CRHR1: variants seen among roughly 807,000 people sequenced by gnomAD.
The protein encoded by CRHR1 is corticotropin releasing hormone receptor 1.
A neutral mutation model predicts 56.0 loss-of-function variants in CRHR1; 28 were observed. The observed-to-expected ratio is 0.50, with a 90% CI of 0.37 to 0.69. The LOEUF (loss-of-function observed/expected upper bound fraction) is 0.69. Among genes scored for constraint, CRHR1 ranks in the 30% least tolerant of loss-of-function variants. The pLI is 0.00. For missense variants in CRHR1, 376 were observed against 548.0 expected (o/e 0.69, Z 3.13); for synonymous variants, 195 against 216.5 (o/e 0.90, Z 0.87).
intron 8 of CRHR1, among the ~76,000 whole-genome samples, chr17:45,832,602 T>C (rs972506074): frequency 6.6e-6 from 1 of 152,206 alleles, no homozygotes; most frequent in Non-Finnish European, 1.5e-5. Context: ...TCCCTGGAGC[T>C]TGCTGGAGGG....
intron 4 of CRHR1, among the ~76,000 whole-genome samples, chr17:45,828,601 C>CTGCT (rs2062219751): frequency 6.6e-6 from 1 of 152,212 alleles, no homozygotes; most frequent in Non-Finnish European, 1.5e-5. Context: ...CTGCACAGAT[C>CTGCT]CCCTTGGGCC....
At chr17:45,820,193 G>A (rs1208701756) in intron 3 of CRHR1, among the ~76,000 whole-genome samples, 6 of 152,222 alleles carry the variant, frequency 3.9e-5, no homozygotes, top group Non-Finnish European at 7.3e-5. Context: ...GGCTCCAGGT[G>A]AGATACTCAG....
intron 2 of CRHR1, 88 bp downstream of exon 2, chr17:45,807,185 T>G: frequency 8.2e-7 from 1 of 1,222,370 alleles, no homozygotes; most frequent in Admixed American, 1.9e-5. Flanking sequence ...CACAGAACCA[T>G]GCCCTAAGGC....
intron 3 of CRHR1, among the ~76,000 whole-genome samples, chr17:45,818,051 G>C (rs528126545): frequency 6.6e-6 from 1 of 152,298 alleles, no homozygotes; most frequent in South Asian, 2.1e-4. Flanking sequence ...CTAGGAAGGA[G>C]GCAGCATCTG....
At chr17:45,801,364 A>G (rs1422065369) in intron 1 of CRHR1, among the ~76,000 whole-genome samples, 7 of 152,230 alleles carry the variant, frequency 4.6e-5, no homozygotes, top group Admixed American at 4.6e-4. Flanking sequence ...GACATTGGGT[A>G]CATCAACTAC....
intron 1 of CRHR1, among the ~76,000 whole-genome samples, chr17:45,795,568 TC>T (rs1381067985): frequency 1.3e-5 from 2 of 152,084 alleles, no homozygotes; most frequent in Non-Finnish European, 1.5e-5. Context: ...TCACCAAACG[TC>T]CCCCGGGAGG....
chr17:45,813,485 C>T (rs901903117), intron 2 of CRHR1, among the ~76,000 whole-genome samples: 7 of 152,226 alleles, frequency 4.6e-5, no homozygotes, highest in African/African-American at 1.7e-4. Flanking sequence ...TTTCTGGGCT[C>T]TTAATGTAAA....
chr17:45,815,102 G>C (rs1352821387), intron 2 of CRHR1, among the ~76,000 whole-genome samples: 2 of 152,268 alleles, frequency 1.3e-5, no homozygotes, highest in African/African-American at 2.4e-5. Flanking sequence ...GCCCCAGCCA[G>C]GGCTTGGCAG....
intron 4 of CRHR1, 124 bp downstream of exon 4, chr17:45,821,564 C>T (rs1267490646): frequency 2.2e-6 from 2 of 923,676 alleles, no homozygotes; most frequent in Non-Finnish European, 3.4e-6. Flanking sequence ...TCTAGTGAAG[C>T]TGACTGGGGA....
chr17:45,801,631 G>A (rs61073559), intron 1 of CRHR1, among the ~76,000 whole-genome samples: 43 of 152,110 alleles, frequency 2.8e-4, no homozygotes, highest in African/African-American at 1.0e-3. Flanking sequence ...AGTGAACCTC[G>A]TGCTCTGCCA....
chr17:45,795,336 G>C (rs2061498758), intron 1 of CRHR1, among the ~76,000 whole-genome samples: 1 of 152,186 alleles, frequency 6.6e-6, no homozygotes. Context: ...CCCATAATGG[G>C]CAGGCAGGCA....
intron 5 of CRHR1, chr17:45,829,655 G>A: frequency 6.4e-7 from 1 of 1,550,564 alleles, no homozygotes; most frequent in Non-Finnish European, 8.7e-7. Context: ...AAGGTACCTG[G>A]GCCCCAGCAC....
At chr17:45,822,401 G>A (rs968750924) in intron 4 of CRHR1, among the ~76,000 whole-genome samples, 1 of 152,148 alleles carries the variant, frequency 6.6e-6, no homozygotes, top group Non-Finnish European at 1.5e-5. Flanking sequence ...TTTCCCACCC[G>A]ACGCTTTCTC....
chr17:45,816,406 TGCCTG>T (rs66475418), intron 2 of CRHR1, 52 bp from the exon 3 acceptor site: 305,829 of 1,606,000 alleles, frequency 0.19, 32,750 homozygotes, highest in Non-Finnish European at 0.22. Flanking sequence ...GTCCTCTGCC[TGCCTG>T]GGGCCTTGGC....
chr17:45,830,697 A>G, intron 7 of CRHR1, 127 bp downstream of exon 7: 1 of 1,292,210 alleles, frequency 7.7e-7, no homozygotes, highest in East Asian at 2.4e-5. Context: ...TAAGGTGTGC[A>G]CGATAGCCCT....
chr17:45,822,866 C>T (rs1460549508), intron 4 of CRHR1, among the ~76,000 whole-genome samples: 2 of 148,618 alleles, frequency 1.3e-5, no homozygotes, highest in Admixed American at 1.4e-4. Context: ...AAAAGTGGGG[C>T]CAAGTGCGGT....
intron 10 of CRHR1, 84 bp downstream of exon 10, chr17:45,833,621 C>G: frequency 6.3e-7 from 1 of 1,593,160 alleles, no homozygotes; most frequent in Non-Finnish European, 8.6e-7. Context: ...ACCTGCCACT[C>G]CCTCCCCCGA....
In CRHR1 at chr17:45,784,515, A is replaced by G. The variant is rs1290630342; in HGVS notation, c.-30A>G. The G allele has an allele frequency of 6.5e-7, 1 of 1,538,144 alleles. No homozygotes were observed. ...TCTGGGATGTCCGTAGGACCCGGGC[A>G]TTCAGGACGGTAGCCGAGCGAGCCC... On this transcript the variant is annotated 5_prime_UTR_variant, in exon 1 of 13. Transcript: ENST00000314537. The surrounding 1 kb of genome is among the most constrained non-coding windows in gnomAD (Gnocchi z 4.2).
intron 4 of CRHR1, among the ~76,000 whole-genome samples, chr17:45,821,831 A>G (rs1161737222): frequency 6.6e-6 from 1 of 152,246 alleles, no homozygotes. Flanking sequence ...TTCCAGCCAC[A>G]GGGCTGTATG....
Sources: gnomAD v4.1 joint callset for allele counts (sites outside exome capture counted in the v4.1 genomes callset) on GRCh38, gnomAD v4.1.1 for gene constraint, Gnocchi (gnomAD v3.1) non-coding constraint, MANE v1.5 for transcripts, NCBI Gene and HGNC (gene_info 2026-07-23, HGNC 2026-07-21) for gene names.